Variants in SERPINA9 observed in about 807,000 individuals in gnomAD.
The protein encoded by SERPINA9 is serpin family A member 9, also known as serpin A9.
Under a neutral mutation model 24.5 loss-of-function variants are expected in SERPINA9, and 32 were observed. The observed-to-expected ratio is 1.30, with a 90% CI of 0.98 to 1.75. The LOEUF (loss-of-function observed/expected upper bound fraction) is 1.75, where lower values mean the gene tolerates loss of function less well. Ranked by LOEUF, SERPINA9 falls within the 40% of genes most tolerant of loss-of-function variation. The pLI is 0.00. For missense variants in SERPINA9, 594 were observed against 497.1 expected (o/e 1.19, Z -1.85); for synonymous variants, 233 against 197.7 (o/e 1.18, Z -1.50).
chr14:94,464,308 T>TCTCTCTCTCTCTCC (rs1898888517), intron 4 of SERPINA9: 14 of 84,816 alleles, frequency 1.7e-4, no homozygotes, highest in African/African-American at 4.3e-4. Context: ...TCTCTCTCTC[T>TCTCTCTCTCTCTCC]CTCTCTCTCT....
In SERPINA9 at chr14:94,469,607, GGA is replaced by G; in HGVS notation, c.232_233del (p.Ser78ProfsTer79). 6.2e-7 allele frequency: 1 copy of G among 1,614,186 alleles called. No homozygotes were observed. On this transcript the variant is annotated frameshift_variant, in exon 2 of 5. Coordinates refer to ENST00000674397, the MANE Select transcript of SERPINA9 (RefSeq NM_175739.4). LOFTEE classifies it high-confidence loss of function. ...IFFSPVSVST[S>X]LAMLSLGAHS... The stretch of plus-strand genomic sequence containing the variant: ...GGGCCCCAAGGGAGAGCATGGCCAG[GGA>G]AGTGGAGACACTCACAGGGGAGAAG...
intron 3 of SERPINA9, 104 bp downstream of exon 3, chr14:94,467,005 T>C: frequency 7.7e-7 from 1 of 1,306,402 alleles, no homozygotes; most frequent in South Asian, 1.4e-5. Context: ...TGGTGCTCAC[T>C]GTGCAGAAGT....
Position 94,469,392 on chromosome 14 carries a change from C to A in SERPINA9, c.449G>T (p.Gly150Val), listed in dbSNP as rs764481682. 3.7e-6 allele frequency: 6 copies of A among 1,614,086 alleles called. No homozygotes were observed. The highest frequency in any genetic ancestry group is 3.3e-5 in the South Asian group (3 of 91,082). ...TGCTTCATACAGCCTCTTGACATTG[C>A]CCAAGAAATTTGCCTGCAGCTGCAG... is the stretch of plus-strand genomic sequence containing the variant. ...KELQLQANFL[G>V]NVKRLYEAEV... is the part of the protein sequence containing the mutation. Residue 150 changes from glycine (G) to valine (V), a missense_variant, in exon 2 of 5, where the codon GGC (glycine) becomes GTC (valine). By Grantham distance (109) the Gly-to-Val change is moderately radical. Transcript: ENST00000674397.
chr14:94,475,437 T>TACACAC (rs56863971), intron 1 of SERPINA9, among the ~76,000 whole-genome samples: 20 of 149,924 alleles, frequency 1.3e-4, no homozygotes, highest in Admixed American at 2.7e-4. Context: ...CACACACACA[T>TACACAC]ACACACACAC....
rs1899641204 is a variant in SERPINA9 at position 94,476,157 on chromosome 14, T to C, written c.-39A>G. 6.2e-7 allele frequency: 1 copy of C among 1,614,210 alleles called. No individual in the cohort carries two copies. Among genetic ancestry groups the C allele is most frequent in the Non-Finnish European group, 8.5e-7 (1 of 1,180,046 alleles). Reference sequence around the variant, plus strand: ...CCACCTTTGCAGGTTCCTCTTCTCCTGCCCTGTCCTTGCATGGTTGGTGAG... The same window carrying C: ...CCACCTTTGCAGGTTCCTCTTCTCCCGCCCTGTCCTTGCATGGTTGGTGAG... On this transcript the variant is annotated 5_prime_UTR_variant, in exon 1 of 5. Transcript: ENST00000674397.
intron 3 of SERPINA9, among the ~76,000 whole-genome samples, chr14:94,466,175 A>G (rs1898996661): frequency 6.6e-6 from 1 of 152,130 alleles, no homozygotes; most frequent in Non-Finnish European, 1.5e-5. Context: ...AATCGCTGAC[A>G]CACCCTGCAG....
chr14:94,464,887 A>G (rs890969713), intron 3 of SERPINA9, 33 bp from the exon 4 acceptor site: 1 of 1,593,088 alleles, frequency 6.3e-7, no homozygotes. Context: ...CAATGAGGTC[A>G]CAAGCCCATG....
Position 94,469,435 on chromosome 14 carries a change from G to A in SERPINA9, c.406C>T (p.Leu136Phe). ...AGCTGCAGCTCCTTCTTGACGAAGA[G>A]GGCACTTCCCATCTTCAAGGTCAGG... is the stretch of plus-strand genomic sequence containing the variant. The part of the protein sequence containing the change: ...KDLTLKMGSA[L>F]FVKKELQLQA... The change falls in exon 2 of 5, where the codon CTC (leucine) becomes TTC (phenylalanine). Residue 136 changes from leucine to phenylalanine, a missense_variant. Coordinates refer to ENST00000674397, the MANE Select transcript of SERPINA9 (RefSeq NM_175739.4). 3.1e-6 allele frequency: 5 copies of A among 1,614,140 alleles called. No homozygotes were observed. The South Asian group carries it at 5.5e-5, about 18-fold the overall frequency.
intron 3 of SERPINA9, among the ~76,000 whole-genome samples, chr14:94,466,627 A>G (rs973348361): frequency 1.3e-5 from 2 of 152,254 alleles, no homozygotes; most frequent in Admixed American, 6.5e-5. Flanking sequence ...ATTATTAGCT[A>G]GCATTTACTG....
intron 1 of SERPINA9, chr14:94,470,229 C>A (rs747678064): frequency 1.9e-5 from 19 of 1,006,274 alleles, no homozygotes; most frequent in Non-Finnish European, 2.1e-5. Context: ...ATTGCATTAG[C>A]AGCCAGAAGT....
At chr14:94,465,237 C>T (rs1016377573) in intron 3 of SERPINA9, among the ~76,000 whole-genome samples, 3 of 152,134 alleles carry the variant, frequency 2.0e-5, no homozygotes, top group Non-Finnish European at 2.9e-5. Context: ...CTAATAATGC[C>T]CTAGAGCAGC....
intron 1 of SERPINA9, among the ~76,000 whole-genome samples, chr14:94,473,938 C>T (rs745982710): frequency 9.2e-5 from 14 of 152,268 alleles, no homozygotes; most frequent in Non-Finnish European, 2.1e-4. Flanking sequence ...GGCGAGACAA[C>T]GTCTGCAGAA....
intron 3 of SERPINA9, among the ~76,000 whole-genome samples, chr14:94,465,615 C>A (rs1481957873): frequency 3.3e-5 from 5 of 152,146 alleles, no homozygotes; most frequent in Non-Finnish European, 5.9e-5. Context: ...GCAACCTCCA[C>A]CCCGTGGGTT....
intron 1 of SERPINA9, among the ~76,000 whole-genome samples, chr14:94,470,699 G>T (rs780543752): frequency 6.6e-6 from 1 of 152,202 alleles, no homozygotes; most frequent in African/African-American, 2.4e-5. Context: ...CACAAATTGT[G>T]CAGCACGGGA....
At position 94,467,348 on chromosome 14, in the gene SERPINA9, T is replaced by G. The variant is rs756676760; in HGVS notation, c.663A>C (p.Thr221=). 3 of 1,613,430 alleles carry G rather than the reference T, an allele frequency of 1.9e-6. No individual in the cohort carries two copies. Among genetic ancestry groups the G allele is most frequent in the Admixed American group, 1.7e-5 (1 of 60,000 alleles). The change falls in exon 3 of 5, where the codon ACA becomes ACC. Residue 221 remains threonine (T), a synonymous_variant. Transcript: ENST00000674397. Reference sequence around the variant, plus strand: ...CCACCAGGAATGGGAAGTTCTTTCTTGTATATTCAGGGTGAAAGGGCTTCT... The same window carrying G: ...CCACCAGGAATGGGAAGTTCTTTCTGGTATATTCAGGGTGAAAGGGCTTCT... ...KWEKPFHPEY[T]RKNFPFLVGE...
rs748951147 is a variant in SERPINA9 at position 94,464,816 on chromosome 14, G to A, written c.941C>T (p.Ala314Val). Residue 314 changes from alanine (A) to valine (V), a missense_variant, in exon 4 of 5, where the codon GCC (alanine) becomes GTC (valine). Physicochemically the swap from Ala to Val is moderately conservative, Grantham distance 64 (BLOSUM62 0). Coordinates refer to ENST00000674397, the MANE Select transcript of SERPINA9 (RefSeq NM_175739.4). ...EVFIPRFSIS[A>V]SYNLETILPK... ...GAGGATGGTTTCCAGATTGTAGGAG[G>A]CAGAAATGGAAAATCTGGGGATGAA... 20 of 1,613,600 alleles carry A rather than the reference G, an allele frequency of 1.2e-5. 1 individual carries two copies. The South Asian group carries it at 2.2e-4, about 18-fold the overall frequency.
intron 2 of SERPINA9, among the ~76,000 whole-genome samples, chr14:94,467,767 G>A (rs1055313394): frequency 2.6e-5 from 4 of 152,070 alleles, no homozygotes; most frequent in African/African-American, 7.2e-5. Context: ...AATAGCTAAT[G>A]GATAAATGGT....
chr14:94,464,576 C>T, intron 4 of SERPINA9, 131 bp downstream of exon 4: 1 of 739,004 alleles, frequency 1.4e-6, no homozygotes, highest in Non-Finnish European at 2.2e-6. Flanking sequence ...AGATTCGGTT[C>T]TTCTGGCCGC....
At chr14:94,476,054 G>A (rs10146263) in intron 1 of SERPINA9, 82 bp downstream of exon 1, 199,667 of 1,600,206 alleles carry the variant, frequency 0.12, 12,639 homozygotes, top group East Asian at 0.21. Flanking sequence ...ATTTGACACT[G>A]AAGACCATGC....
Sources: allele counts gnomAD v4.1 joint callset (sites outside exome capture counted in the v4.1 genomes callset), GRCh38; gene constraint gnomAD v4.1.1; transcripts MANE v1.5; gene names NCBI Gene and HGNC (gene_info 2026-07-23, HGNC 2026-07-21).